Variants in CTNNA3 observed in about 807,000 individuals in gnomAD.
CTNNA3 encodes the protein catenin alpha-3.
A neutral mutation model predicts 95.7 loss-of-function variants in CTNNA3; 76 were observed. That is an observed-to-expected ratio of 0.79 (90% CI 0.66 to 0.96). The LOEUF is 0.96. Ranked by LOEUF, CTNNA3 falls within the 40% of genes least tolerant of loss-of-function variation. CTNNA3 has a pLI of 0.00. For missense variants in CTNNA3, 1,191 were observed against 1,089.8 expected (o/e 1.09, Z -1.31); for synonymous variants, 431 against 374.4 (o/e 1.15, Z -1.74).
intron 13 of CTNNA3, among the ~76,000 whole-genome samples, chr10:66,269,311 T>C (rs2091227350): frequency 6.6e-6 from 1 of 152,128 alleles, no homozygotes; most frequent in Non-Finnish European, 1.5e-5. Flanking sequence ...ATAAGCAAAA[T>C]CCACTGGAAG....
chr10:66,951,088 TACACACACAC>T (rs3056558), intron 7 of CTNNA3, among the ~76,000 whole-genome samples: 6 of 146,066 alleles, frequency 4.1e-5, no homozygotes, highest in African/African-American at 7.5e-5. Flanking sequence ...TAACATTAAA[TACACACACAC>T]ACACACACAC....
At chr10:66,243,455 A>T (rs981681339) in intron 13 of CTNNA3, among the ~76,000 whole-genome samples, 2 of 152,128 alleles carry the variant, frequency 1.3e-5, no homozygotes, top group Non-Finnish European at 2.9e-5. Context: ...TGGTCTCCCA[A>T]ACCCCTTATC....
rs1471244817 is a variant in CTNNA3 at position 67,255,841 on chromosome 10, T to C, written c.580-35971A>G. Among the ~76,000 whole-genome samples the C allele has an allele frequency of 3.3e-5, 5 of 152,140 alleles. No individual in the cohort carries two copies. In the East Asian group the frequency reaches 9.6e-4, roughly 29 times the overall value. ...GTGCTCATTACATAAATTAATAATCTAAGAAAACAATGGCTTATTTAATGT... is the reference window on the plus strand; with the variant it reads ...GTGCTCATTACATAAATTAATAATCCAAGAAAACAATGGCTTATTTAATGT... On this transcript the variant is annotated intron_variant, in intron 5 of 17. Transcript: ENST00000433211.
At chr10:66,162,432 G>A (rs944104726) in intron 13 of CTNNA3, among the ~76,000 whole-genome samples, 2 of 152,038 alleles carry the variant, frequency 1.3e-5, no homozygotes, top group Non-Finnish European at 2.9e-5. Context: ...CTTTTCCTAT[G>A]GTTGTGGCTT....
At chr10:67,206,147 G>A (rs1863889953) in intron 6 of CTNNA3, among the ~76,000 whole-genome samples, 1 of 152,166 alleles carries the variant, frequency 6.6e-6, no homozygotes, top group African/African-American at 2.4e-5. Context: ...AACAGAGACA[G>A]TTATTCAAAT....
chr10:66,212,147 G>A (rs1358177908), intron 13 of CTNNA3, among the ~76,000 whole-genome samples: 3 of 151,824 alleles, frequency 2.0e-5, no homozygotes, highest in East Asian at 3.9e-4. Flanking sequence ...CCGCCACCAC[G>A]CCTGGCTAAT....
chr10:66,527,612 A>G (rs1841313973), intron 10 of CTNNA3, among the ~76,000 whole-genome samples: 1 of 152,106 alleles, frequency 6.6e-6, no homozygotes, highest in African/African-American at 2.4e-5. Context: ...TTTTCAGCAA[A>G]AACTACAAAG....
chr10:67,230,794 T>C (rs117017835), intron 5 of CTNNA3, among the ~76,000 whole-genome samples: 1 of 152,114 alleles, frequency 6.6e-6, no homozygotes, highest in Non-Finnish European at 1.5e-5. Context: ...TACCAGACAC[T>C]GGGCGCAGGT....
intron 14 of CTNNA3, among the ~76,000 whole-genome samples, 156 bp downstream of exon 14, chr10:66,103,001 G>A (rs1034023747): frequency 6.6e-6 from 1 of 152,064 alleles, no homozygotes; most frequent in Admixed American, 6.6e-5. Context: ...CCCCTCATGT[G>A]GTTTCCCTTA....
chr10:66,920,493 G>T (rs1846734479), intron 7 of CTNNA3, among the ~76,000 whole-genome samples: 1 of 152,174 alleles, frequency 6.6e-6, no homozygotes, highest in African/African-American at 2.4e-5. Flanking sequence ...ATGCAAAGAT[G>T]TTGCCTCTGT....
Position 66,916,047 on chromosome 10 carries a change from T to C in CTNNA3, c.1048-140523A>G, listed in dbSNP as rs151065902. Among the ~76,000 whole-genome samples the C allele has an allele frequency of 3.6e-3, 541 of 152,176 alleles. 2 individuals carry two copies. The highest frequency in any genetic ancestry group is 0.012 in the African/African-American group (513 of 41,516). On this transcript the variant is annotated intron_variant, in intron 7 of 17. Coordinates refer to ENST00000433211, the MANE Select transcript of CTNNA3 (RefSeq NM_013266.4). ...TACAGGTTTGAACTACTGTGCCCAG[T>C]CCTTGACATATATTTTTAAATGTTG...
At chr10:66,812,018 C>T (rs561474329) in intron 7 of CTNNA3, among the ~76,000 whole-genome samples, 2 of 152,238 alleles carry the variant, frequency 1.3e-5, no homozygotes, top group South Asian at 4.1e-4. Flanking sequence ...CCTCTTGTAG[C>T]AGCTTTACTT....
chr10:65,962,965 AT>A, intron 17 of CTNNA3, among the ~76,000 whole-genome samples: 1 of 152,270 alleles, frequency 6.6e-6, no homozygotes, highest in Non-Finnish European at 1.5e-5. Context: ...ATTGATGGAC[AT>A]TTGGGTTGGT....
intron 1 of CTNNA3, among the ~76,000 whole-genome samples, chr10:67,683,238 C>T (rs1840660843): frequency 6.6e-6 from 1 of 152,178 alleles, no homozygotes; most frequent in Admixed American, 6.5e-5. Flanking sequence ...GGACTAAGAA[C>T]CCAGGATCTC....
chr10:66,698,030 T>C (rs972446835), intron 9 of CTNNA3, among the ~76,000 whole-genome samples: 8 of 152,054 alleles, frequency 5.3e-5, no homozygotes, highest in Non-Finnish European at 1.0e-4. Flanking sequence ...AAGAAAAAAA[T>C]CTGAAAACGG....
chr10:66,061,865 G>A (rs2080207498), intron 15 of CTNNA3, among the ~76,000 whole-genome samples: 1 of 152,010 alleles, frequency 6.6e-6, no homozygotes, highest in Non-Finnish European at 1.5e-5. Flanking sequence ...CTAACAGATT[G>A]AACATTTAAC....
intron 7 of CTNNA3, chr10:66,926,008 A>G (rs553939614): frequency 6.1e-5 from 28 of 456,792 alleles, no homozygotes; most frequent in Non-Finnish European, 1.0e-4. Context: ...GCAGCTTTAC[A>G]TAAGACTGCA....
At chr10:66,343,823 T>C (rs999931238) in intron 12 of CTNNA3, among the ~76,000 whole-genome samples, 1 of 152,076 alleles carries the variant, frequency 6.6e-6, no homozygotes, top group African/African-American at 2.4e-5. Flanking sequence ...ATCATCACTA[T>C]GTACTCATAA....
In CTNNA3 at chr10:65,914,311, C is replaced by T. The variant is rs2076981360; in HGVS notation, c.*6019G>A. 6.6e-6 allele frequency: 1 copy of T among 152,064 alleles called. No homozygotes were observed. The highest frequency in any genetic ancestry group is 6.6e-5 in the Admixed American group (1 of 15,242). 9.4% of individuals were successfully genotyped at this position (152,064 alleles called of 1,614,324 possible). ...AGATCCCCAATATACACATCCATTG[C>T]TCAAACTAGGAATGTGTGTATTTCT... is the stretch of plus-strand genomic sequence containing the variant. On this transcript the variant is annotated 3_prime_UTR_variant, in exon 18 of 18. Transcript: ENST00000433211.
Sources: allele counts gnomAD v4.1 joint callset (sites outside exome capture counted in the v4.1 genomes callset), GRCh38; gene constraint gnomAD v4.1.1; transcripts MANE v1.5; gene names NCBI Gene and HGNC (gene_info 2026-07-23, HGNC 2026-07-21).